Variants in SECISBP2 observed in about 807,000 individuals in gnomAD.
SECISBP2 encodes the protein SECIS binding protein 2.
A neutral mutation model predicts 98.2 loss-of-function variants in SECISBP2; 96 were observed. The ratio of observed to expected loss-of-function variants is 0.98; its 90% CI spans 0.83 to 1.16. SECISBP2 has a LOEUF of 1.16. SECISBP2 is among the 50% of genes most tolerant of loss of function. The pLI, the probability that SECISBP2 is intolerant of heterozygous loss-of-function variation, is 0.00. For missense variants in SECISBP2, 1,046 were observed against 1,022.9 expected (o/e 1.02, Z -0.31); for synonymous variants, 407 against 370.2 (o/e 1.10, Z -1.14).
At chr9:89,353,801 C>T (rs925685516) in intron 14 of SECISBP2, among the ~76,000 whole-genome samples, 6 of 152,188 alleles carry the variant, frequency 3.9e-5, no homozygotes, top group African/African-American at 1.4e-4. Context: ...CTGCCTCTGC[C>T]AGAGCATGGG....
At chr9:89,357,189 C>T (rs1832221341) in intron 14 of SECISBP2, 1 of 589,104 alleles carries the variant, frequency 1.7e-6, no homozygotes, top group Admixed American at 2.9e-5. Context: ...GTTAACTTTT[C>T]CTGTTAAGAC....
intron 9 of SECISBP2, among the ~76,000 whole-genome samples, chr9:89,340,173 ATTATT>A (rs1829446936): frequency 6.6e-6 from 1 of 152,170 alleles, no homozygotes. Context: ...TTATAAGATT[ATTATT>A]TTATAATAAG....
At chr9:89,329,105 CGTTTT>C (rs147815963) in intron 5 of SECISBP2, 11,745 of 559,800 alleles carry the variant, frequency 0.021, 193 homozygotes, top group African/African-American at 0.036. Flanking sequence ...TTTATTTGTG[CGTTTT>C]GTTTTGTTTT....
At chr9:89,334,991 G>A (rs1828388985) in intron 7 of SECISBP2, among the ~76,000 whole-genome samples, 1 of 152,204 alleles carries the variant, frequency 6.6e-6, no homozygotes, top group African/African-American at 2.4e-5. Context: ...AAGGCGGGCA[G>A]ATCACGAGGT....
intron 12 of SECISBP2, among the ~76,000 whole-genome samples, chr9:89,349,000 C>T (rs530755150): frequency 2.0e-5 from 3 of 152,350 alleles, no homozygotes; most frequent in Admixed American, 2.0e-4. Flanking sequence ...CACAAGCACT[C>T]GTTCCTGTGG....
chr9:89,339,784 T>A, intron 8 of SECISBP2, 80 bp from the exon 9 acceptor site: 1 of 1,014,682 alleles, frequency 9.9e-7, no homozygotes. Flanking sequence ...TACTGAAGAA[T>A]GAAAATATAA....
chr9:89,348,973 GTA>G (rs1454768469), intron 12 of SECISBP2, among the ~76,000 whole-genome samples: 1 of 152,240 alleles, frequency 6.6e-6, no homozygotes. Context: ...GGACAGTGTT[GTA>G]TGTGTCTTAA....
At chr9:89,333,711 C>T (rs1828146437) in intron 6 of SECISBP2, among the ~76,000 whole-genome samples, 1 of 151,636 alleles carries the variant, frequency 6.6e-6, no homozygotes, top group Admixed American at 6.6e-5. Context: ...CTCATCTGTC[C>T]TGTCCTGGCC....
intron 4 of SECISBP2, among the ~76,000 whole-genome samples, chr9:89,327,334 T>A (rs1387395518): frequency 6.6e-6 from 1 of 152,178 alleles, no homozygotes; most frequent in African/African-American, 2.4e-5. Context: ...ATTGTACACT[T>A]AGGCTACATG....
chr9:89,336,262 C>T (rs987411005), intron 7 of SECISBP2, among the ~76,000 whole-genome samples: 3 of 151,558 alleles, frequency 2.0e-5, no homozygotes, highest in African/African-American at 7.3e-5. Flanking sequence ...TCTTGAACTC[C>T]TGGGCTCAAG....
rs758830851 is a variant in SECISBP2, at chr9:89,349,640, C to G, written c.1739-136C>G. The G allele has an allele frequency of 6.3e-6, 6 of 950,398 alleles. No homozygotes were observed. The South Asian group carries it at 8.2e-5, about 13-fold the overall frequency. 58.9% of individuals were successfully genotyped at this position (950,398 alleles called of 1,614,324 possible). On this transcript the variant is annotated intron_variant, in intron 12 of 16. Transcript: ENST00000375807. ...TCTGTTTTTTCTGCCTTCTGTAAAC[C>G]TCTCTGCATGTTGTCTGTGAATGTG...
chr9:89,341,184 G>GAT (rs1394079254), intron 9 of SECISBP2, among the ~76,000 whole-genome samples, 163 bp from the exon 10 acceptor site: 5 of 152,192 alleles, frequency 3.3e-5, no homozygotes, highest in African/African-American at 4.8e-5. Context: ...AATACTGGCA[G>GAT]ATAATGTGGG....
rs1826535926 is a variant in SECISBP2, at chr9:89,325,507, A to T, written c.263A>T (p.His88Leu). ...PQYLSSEITL[H>L]PYAYSPYTLD... ...TATTTATCTTCTGAGATAACTCTTC[A>T]TCCATATGCCTATTCTCCTTATACC... The change falls in exon 3 of 17, where the codon CAT (histidine) becomes CTT (leucine). Residue 88 changes from histidine (H) to leucine (L), a missense_variant. Physicochemically the swap from His to Leu is moderately conservative, Grantham distance 99 (BLOSUM62 -3). Coordinates refer to ENST00000375807, the MANE Select transcript of SECISBP2 (RefSeq NM_024077.5). 1 of 1,613,710 alleles carries T rather than the reference A, an allele frequency of 6.2e-7. No homozygotes were observed. Among genetic ancestry groups the T allele is most frequent in the Admixed American group, 1.7e-5 (1 of 59,998 alleles).
chr9:89,332,200 G>A (rs1051048235), intron 5 of SECISBP2, among the ~76,000 whole-genome samples: 10 of 152,076 alleles, frequency 6.6e-5, no homozygotes. Context: ...TGAGAGGAAA[G>A]TACAGATTTC....
Position 89,328,755 on chromosome 9 carries a change from C to G in SECISBP2, c.670C>G (p.Pro224Ala). 2 of 1,614,190 alleles carry G rather than the reference C, an allele frequency of 1.2e-6. No individual in the cohort carries two copies. The highest frequency in any genetic ancestry group is 1.3e-5 in the African/African-American group (1 of 75,066). ...GTTTGAATTTACCACACTGGACTTTCCTGAACTGCAAGGTGCAGAGAACAA... is the reference window on the plus strand; with the variant it reads ...GTTTGAATTTACCACACTGGACTTTGCTGAACTGCAAGGTGCAGAGAACAA... ...PEFEFTTLDF[P>A]ELQGAENNMS... Residue 224 changes from proline to alanine, a missense_variant, in exon 5 of 17, where the codon CCT (proline) becomes GCT (alanine). Transcript: ENST00000375807.
intron 6 of SECISBP2, chr9:89,333,945 C>T (rs1587902871): frequency 2.3e-6 from 2 of 867,106 alleles, no homozygotes; most frequent in African/African-American, 1.8e-5. Context: ...TCTGTTTTAC[C>T]CTTGGGGGTA....
intron 14 of SECISBP2, among the ~76,000 whole-genome samples, chr9:89,351,651 A>C (rs890973946): frequency 6.6e-6 from 1 of 152,178 alleles, no homozygotes; most frequent in African/African-American, 2.4e-5. Flanking sequence ...ACCCTCAAAG[A>C]TGATGTTTCC....
chr9:89,346,929 G>A lies in SECISBP2; in HGVS notation c.1483G>A (p.Gly495Ser). 6.2e-7 allele frequency: 1 copy of A among 1,614,160 alleles called. No homozygotes were observed. Among genetic ancestry groups the A allele is most frequent in the Non-Finnish European group, 8.5e-7 (1 of 1,180,028 alleles). ...LSKECASGERGRRMSQMKTPH... is the reference protein window; with the variant it reads ...LSKECASGERSRRMSQMKTPH... ...CAAAGAATGTGCATCAGGGGAGAGA[G>A]GCCGCCGCATGAGTCAAATGAAGAC... The change falls in exon 11 of 17, where the codon GGC (glycine) becomes AGC (serine). Residue 495 changes from glycine to serine, a missense_variant. By Grantham distance (56) the Gly-to-Ser change is moderately conservative. Coordinates refer to ENST00000375807, the MANE Select transcript of SECISBP2 (RefSeq NM_024077.5).
At position 89,320,702 on chromosome 9, in the gene SECISBP2, A is replaced by G. The variant is rs562566152; in HGVS notation, c.182+905A>G. The stretch of plus-strand genomic sequence containing the variant: ...AAAGAAGGCTTACATTTTTCCTTAC[A>G]TTTTCTTTTTCCTTCTCAGGATTCA... On this transcript the variant is annotated intron_variant, in intron 2 of 16. Transcript: ENST00000375807. Among the ~76,000 whole-genome samples the G allele has an allele frequency of 4.6e-5, 7 of 152,252 alleles. No individual in the cohort carries two copies. The South Asian group carries it at 1.4e-3, about 32-fold the overall frequency.
Sources: gnomAD v4.1 joint callset for allele counts (sites outside exome capture counted in the v4.1 genomes callset) on GRCh38, gnomAD v4.1.1 for gene constraint, MANE v1.5 for transcripts, NCBI Gene and HGNC (gene_info 2026-07-23, HGNC 2026-07-21) for gene names.